The following MIGA2 variants were observed in gnomAD, a reference collection of about 807,000 sequenced individuals.
MIGA2 encodes mitoguardin 2.
MIGA2 carries 36 observed loss-of-function variants against 69.9 expected under a neutral mutation model. The observed-to-expected ratio is 0.52, with a 90% CI of 0.39 to 0.68. The LOEUF (loss-of-function observed/expected upper bound fraction) is 0.68, where lower values mean the gene tolerates loss of function less well. MIGA2 is among the 30% of genes least tolerant of loss of function. MIGA2 has a pLI of 0.00. For missense variants in MIGA2, 660 were observed against 787.7 expected, an observed-to-expected ratio of 0.84 and a Z score of 1.94; for synonymous variants, 333 against 349.2, an observed-to-expected ratio of 0.95 and a Z score of 0.52.
chr9:129,047,927 C>T (rs536205400), intron 3 of MIGA2, among the ~76,000 whole-genome samples: 195 of 152,006 alleles, frequency 1.3e-3, no homozygotes, highest in African/African-American at 4.4e-3. Flanking sequence ...CAGGGTTTCG[C>T]CATGTTGCCC....
At chr9:129,063,897 G>A (rs372630680) in intron 11 of MIGA2, among the ~76,000 whole-genome samples, 10 of 152,172 alleles carry the variant, frequency 6.6e-5, no homozygotes, top group South Asian at 2.1e-4. Context: ...CCCCAGCTGC[G>A]GAGGGTCCCA....
In MIGA2 at chr9:129,040,552, A is replaced by C; in HGVS notation, c.-43A>C. The C allele has an allele frequency of 6.3e-7, 1 of 1,583,342 alleles. No homozygotes were observed. Among genetic ancestry groups the C allele is most frequent in the Non-Finnish European group, 8.6e-7 (1 of 1,159,858 alleles). On this transcript the variant is annotated 5_prime_UTR_variant, in exon 2 of 16. Transcript: ENST00000684074. Reference sequence around the variant, plus strand: ...ACCAGTTGAAGACGTTCTCCTTGGAAGCTCTTGGCCCTGAGGACTTTGCCT... The same window carrying C: ...ACCAGTTGAAGACGTTCTCCTTGGACGCTCTTGGCCCTGAGGACTTTGCCT...
In MIGA2 at chr9:129,060,015, C is replaced by T. The variant is rs1055377295; in HGVS notation, c.794-535C>T. Among the ~76,000 whole-genome samples the T allele has an allele frequency of 1.3e-5, 2 of 152,188 alleles. No homozygotes were observed. The highest frequency in any genetic ancestry group is 2.9e-5 in the Non-Finnish European group (2 of 68,016). ...GCTGGGGGACCTTTAGGGTGGCCCG[C>T]CGCAGGTCTGTGGCCTTTGCTTATT... On this transcript the variant is annotated intron_variant, in intron 7 of 15. Transcript: ENST00000684074. The surrounding 1 kb of genome is among the most constrained non-coding windows in gnomAD (Gnocchi z 4.8).
chr9:129,036,989 G>A, intron 1 of MIGA2: 1 of 1,002,948 alleles, frequency 1.0e-6, no homozygotes, highest in Non-Finnish European at 1.2e-6. Context: ...AGGCGTGCGG[G>A]CCGTGAGCGG....
rs554190885 is a variant in MIGA2, at chr9:129,061,752, C to T, written c.1010+406C>T. Among the ~76,000 whole-genome samples, 5 of 152,250 alleles carry T rather than the reference C, an allele frequency of 3.3e-5. 1 individual carries two copies. In the South Asian group the frequency reaches 8.3e-4, roughly 25 times the overall value. On this transcript the variant is annotated intron_variant, in intron 9 of 15. Coordinates refer to ENST00000684074, the MANE Select transcript of MIGA2 (RefSeq NM_001329990.2). This position sits in a 1 kb window ranked among gnomAD's most constrained non-coding sequence, Gnocchi z 5.0. ...TATGAAAACAAAAGTAAATTCTCAG[C>T]GGGTACAGCCACAGCCACACAGGGG...
chr9:129,042,646 T>A, intron 3 of MIGA2, 132 bp downstream of exon 3: 2 of 911,564 alleles, frequency 2.2e-6, no homozygotes, highest in Non-Finnish European at 3.3e-6. Flanking sequence ...TCCTGATCTG[T>A]GAGCGGGATG....
rs1846637863 is a variant in MIGA2 at position 129,070,759 on chromosome 9, GGCT to G, written c.*311_*313del. The stretch of plus-strand genomic sequence containing the variant: ...ACCCCAAAACCTCCCATCGCTCCAG[GGCT>G]GCTGACAAGGGTGCTGGGAGGGTGG... On this transcript the variant is annotated 3_prime_UTR_variant, in exon 16 of 16. Transcript: ENST00000684074. The G allele has an allele frequency of 1.2e-5, 5 of 425,182 alleles. No homozygotes were observed. The South Asian group carries it at 2.0e-4, about 17-fold the overall frequency. 26.3% of individuals were successfully genotyped at this position (425,182 alleles called of 1,614,324 possible).
intron 6 of MIGA2, chr9:129,051,378 A>G (rs1467125238): frequency 6.4e-6 from 1 of 155,330 alleles, no homozygotes; most frequent in Non-Finnish European, 1.4e-5. Flanking sequence ...CCTGGGTTCA[A>G]GAGATTCTCC....
At position 129,069,452 on chromosome 9, in the gene MIGA2, T is replaced by C. The variant is rs1846548874; in HGVS notation, c.1458+323T>C. On this transcript the variant is annotated intron_variant, in intron 14 of 15. Coordinates refer to ENST00000684074, the MANE Select transcript of MIGA2 (RefSeq NM_001329990.2). This position sits in a 1 kb window ranked among gnomAD's most constrained non-coding sequence, Gnocchi z 4.9. ...GGATACCCAGGAGCAAGCAGAGCCCTGTCCCTCCTGCCCTTTCCCCGCCCC... is the reference window on the plus strand; with the variant it reads ...GGATACCCAGGAGCAAGCAGAGCCCCGTCCCTCCTGCCCTTTCCCCGCCCC... 7.6e-6 allele frequency: 4 copies of C among 528,200 alleles called. No individual in the cohort carries two copies. In the East Asian group the frequency reaches 1.3e-4, roughly 18 times the overall value. The allele number at this position is 528,200 out of a possible 1,614,324, so 32.7% of individuals were successfully genotyped here.
In MIGA2 at chr9:129,042,434, G is replaced by T. The variant is rs1481316463; in HGVS notation, c.227G>T (p.Gly76Val). 6.2e-7 allele frequency: 1 copy of T among 1,612,488 alleles called. No homozygotes were observed. The highest frequency in any genetic ancestry group is 8.5e-7 in the Non-Finnish European group (1 of 1,179,650). The change falls in exon 3 of 16, where the codon GGT (glycine) becomes GTT (valine). Residue 76 changes from glycine to valine, a missense_variant. This residue lies in a region of MIGA2 where 386 missense variants were observed against 402.0 expected (regional missense o/e 0.96). Coordinates refer to ENST00000684074, the MANE Select transcript of MIGA2 (RefSeq NM_001329990.2). ...KRRRRRKKQV[G>V]PEMGGEQLGT... ...CGACGGAGGAGGAAGAAGCAGGTTGGTCCCGAGATGGGAGGGGAGCAGCTG... is the reference window on the plus strand; with the variant it reads ...CGACGGAGGAGGAAGAAGCAGGTTGTTCCCGAGATGGGAGGGGAGCAGCTG...
Position 129,067,966 on chromosome 9 carries a change from G to A in MIGA2, c.1269+95G>A, listed in dbSNP as rs748841696. On this transcript the variant is annotated intron_variant, in intron 12 of 15. Transcript: ENST00000684074. ...GCCGAGCTCTAGCTCAGTTCCAAGC[G>A]GCTGAGACGGTTCCATCACTGCTCA... 836 of 1,409,036 alleles carry A rather than the reference G, an allele frequency of 5.9e-4. 1 individual carries two copies. Among genetic ancestry groups the A allele is most frequent in the Non-Finnish European group, 7.5e-4 (766 of 1,019,200 alleles). The allele number at this position is 1,409,036 out of a possible 1,614,324, so 87.3% of individuals were successfully genotyped here.
At chr9:129,055,549 T>C (rs76904224) in intron 6 of MIGA2, among the ~76,000 whole-genome samples, 131 of 152,228 alleles carry the variant, frequency 8.6e-4, no homozygotes, top group African/African-American at 3.1e-3. Flanking sequence ...TATATACTTA[T>C]TGAAAAATAT....
chr9:129,060,641 C>A lies in MIGA2; in HGVS notation c.885C>A (p.Ser295=). The A allele has an allele frequency of 6.3e-7, 1 of 1,592,322 alleles. No individual in the cohort carries two copies. The highest frequency in any genetic ancestry group is 8.6e-7 in the Non-Finnish European group (1 of 1,169,068). The change falls in exon 8 of 16, where the codon TCC becomes TCA. Residue 295 remains serine, a synonymous_variant. Coordinates refer to ENST00000684074, the MANE Select transcript of MIGA2 (RefSeq NM_001329990.2). This position sits in a 1 kb window ranked among gnomAD's most constrained non-coding sequence, Gnocchi z 4.8. ...DSLTSEDSFF[S]ATELFESLQT... is the part of the protein sequence containing the mutation. ...TGACTTCAGAGGATTCCTTCTTCTCCGCCACCGAGGTGACTCGGGGTGGGG... is the reference window on the plus strand; with the variant it reads ...TGACTTCAGAGGATTCCTTCTTCTCAGCCACCGAGGTGACTCGGGGTGGGG...
intron 6 of MIGA2, chr9:129,051,284 A>ATTTAT: frequency 6.2e-6 from 1 of 160,452 alleles, no homozygotes; most frequent in African/African-American, 2.7e-5. Context: ...TTATTTATTT[A>ATTTAT]TTTTTTTTTT....
chr9:129,049,687 G>A (rs567913730), intron 5 of MIGA2, 140 bp from the exon 6 acceptor site: 349 of 1,390,648 alleles, frequency 2.5e-4, no homozygotes, highest in Middle Eastern at 4.3e-4. Context: ...AAGAAGGCCT[G>A]GAACCTGAGC....
intron 1 of MIGA2, among the ~76,000 whole-genome samples, chr9:129,039,175 T>TG (rs1844758306): frequency 7.3e-4 from 102 of 140,000 alleles, no homozygotes; most frequent in Middle Eastern, 3.7e-3. Context: ...AGCTCTTTGT[T>TG]TGTGTGTGTG....
intron 6 of MIGA2, among the ~76,000 whole-genome samples, chr9:129,054,353 G>A (rs2131367787): frequency 6.6e-6 from 1 of 152,186 alleles, no homozygotes; most frequent in South Asian, 2.1e-4. Flanking sequence ...AGCTACTCAG[G>A]AGGCTGAGGC....
intron 2 of MIGA2, among the ~76,000 whole-genome samples, chr9:129,041,109 T>A (rs961540780): frequency 6.6e-6 from 1 of 151,894 alleles, no homozygotes; most frequent in Admixed American, 6.6e-5. Context: ...CTGAAGCAGG[T>A]GGATCACCTG....
At chr9:129,065,088 CTT>C (rs74876477) in intron 11 of MIGA2, among the ~76,000 whole-genome samples, 11 of 143,246 alleles carry the variant, frequency 7.7e-5, no homozygotes, top group South Asian at 2.2e-4. Flanking sequence ...TGTCCTCAAT[CTT>C]TTTTTTTTTT....
Sources: allele counts gnomAD v4.1 joint callset (sites outside exome capture counted in the v4.1 genomes callset), GRCh38; gene constraint gnomAD v4.1.1; regional missense constraint gnomAD v4.1.1; non-coding constraint Gnocchi (gnomAD v3.1); transcripts MANE v1.5; gene names NCBI Gene and HGNC (gene_info 2026-07-23, HGNC 2026-07-21).